AGBL1: variants seen among roughly 807,000 people sequenced by gnomAD.
AGBL1 encodes AGBL carboxypeptidase 1.
Under a neutral mutation model 118.9 loss-of-function variants are expected in AGBL1, and 130 were observed. That is an observed-to-expected ratio of 1.09 (90% confidence interval 0.95 to 1.26). The LOEUF (loss-of-function observed/expected upper bound fraction) is 1.26, where lower values mean the gene tolerates loss of function less well. AGBL1 is among the 50% of genes most tolerant of loss of function. AGBL1 has a pLI of 0.00. For missense variants in AGBL1, 1,584 were observed against 1,298.1 expected (o/e 1.22, Z -3.38); for synonymous variants, 555 against 478.9 (o/e 1.16, Z -2.08).
chr15:86,168,354 G>A (rs1039391048), intron 5 of AGBL1, among the ~76,000 whole-genome samples: 3 of 152,120 alleles, frequency 2.0e-5, no homozygotes, highest in South Asian at 2.1e-4. Context: ...AGAGCACCAC[G>A]TTCTAGGCAG....
chr15:86,707,393 G>A (rs868584816), intron 22 of AGBL1, among the ~76,000 whole-genome samples: 3 of 141,692 alleles, frequency 2.1e-5, no homozygotes, highest in Non-Finnish European at 4.7e-5. Flanking sequence ...CAAGCAAATA[G>A]GAAAGAATAT....
chr15:86,655,770 A>T (rs4377131), intron 21 of AGBL1, among the ~76,000 whole-genome samples: 2 of 152,220 alleles, frequency 1.3e-5, no homozygotes, highest in African/African-American at 4.8e-5. Context: ...GAAAGTGTAC[A>T]ATTTGGATAC....
At chr15:86,118,732 G>A (rs909476627) in intron 1 of AGBL1, among the ~76,000 whole-genome samples, 5 of 152,060 alleles carry the variant, frequency 3.3e-5, no homozygotes, top group Non-Finnish European at 5.9e-5. Context: ...GTCAAACAAG[G>A]GTAAGGAGGC....
chr15:86,229,478 C>T (rs1037270260), intron 6 of AGBL1, among the ~76,000 whole-genome samples: 1 of 152,188 alleles, frequency 6.6e-6, no homozygotes, highest in Admixed American at 6.5e-5. Context: ...TCAATTACCT[C>T]CCACCAGGTC....
intron 24 of AGBL1, among the ~76,000 whole-genome samples, chr15:86,993,518 G>C (rs1401414860): frequency 2.6e-5 from 4 of 152,162 alleles, no homozygotes; most frequent in African/African-American, 7.2e-5. Context: ...AGCAGTTATG[G>C]GTGGGGTAGT....
Position 86,676,581 on chromosome 15 carries a change from G to C in AGBL1, c.3158+2145G>C, listed in dbSNP as rs1006117408. On this transcript the variant is annotated intron_variant, in intron 22 of 22. Transcript: ENST00000614907. ...AGAGTGAATCCTAGAACTTTTGTTA[G>C]TATCAGGATTCTTATTGTAATACAA... 6.8e-4 allele frequency among the ~76,000 whole-genome samples: 104 copies of C among 152,194 alleles called. 1 individual carries two copies. Among genetic ancestry groups the C allele is most frequent in the Middle Eastern group, 3.4e-3 (1 of 294 alleles).
intron 18 of AGBL1, among the ~76,000 whole-genome samples, chr15:86,518,267 G>A (rs941450383): frequency 2.6e-5 from 4 of 151,850 alleles, no homozygotes; most frequent in South Asian, 2.1e-4. Context: ...GTTAAAGCCC[G>A]CGGTTATGTT....
chr15:86,177,709 A>C (rs2077500072), intron 5 of AGBL1, among the ~76,000 whole-genome samples: 1 of 152,232 alleles, frequency 6.6e-6, no homozygotes, highest in Admixed American at 6.5e-5. Flanking sequence ...TCAAAGAAGA[A>C]ATCAAAAGTG....
chr15:86,681,973 G>T (rs2085966537), intron 22 of AGBL1, among the ~76,000 whole-genome samples: 1 of 152,190 alleles, frequency 6.6e-6, no homozygotes, highest in Non-Finnish European at 1.5e-5. Flanking sequence ...TGGAGTCTTA[G>T]TAGAATCTTC....
At chr15:86,215,837 G>C (rs747312461) in intron 5 of AGBL1, among the ~76,000 whole-genome samples, 34 of 152,212 alleles carry the variant, frequency 2.2e-4, no homozygotes, top group Non-Finnish European at 4.4e-4. Context: ...GGGTCCTAGA[G>C]TGGATATGGA....
intron 5 of AGBL1, among the ~76,000 whole-genome samples, chr15:86,182,830 G>A (rs952668595): frequency 2.6e-5 from 4 of 152,138 alleles, no homozygotes; most frequent in Non-Finnish European, 4.4e-5. Flanking sequence ...GGAAACCCTA[G>A]TAGTACAATT....
At position 87,020,256 on chromosome 15, in the gene AGBL1, G is replaced by A. The variant is rs148187414; in HGVS notation, c.3324-8569G>A. Among the ~76,000 whole-genome samples, 170 of 152,102 alleles carry A rather than the reference G, an allele frequency of 1.1e-3. 4 individuals carry two copies. The highest frequency in any genetic ancestry group is 3.7e-3 in the African/African-American group (154 of 41,528). ...ACAGAACTAAAGACAAAAATCACAT[G>A]ATTGTCTCATTAGATGCAGACAAGG... On this transcript the variant is annotated intron_variant, in intron 24 of 24. Coordinates refer to the AGBL1 transcript ENST00000441037.
intron 24 of AGBL1, among the ~76,000 whole-genome samples, chr15:87,004,826 G>C (rs1000997438): frequency 6.6e-6 from 1 of 152,166 alleles, no homozygotes; most frequent in East Asian, 1.9e-4. Context: ...TGCAGTGGCT[G>C]GTTCCGGTTG....
intron 17 of AGBL1, among the ~76,000 whole-genome samples, chr15:86,302,209 T>G (rs1481604602): frequency 6.6e-6 from 1 of 152,144 alleles, no homozygotes; most frequent in Non-Finnish European, 1.5e-5. Context: ...ACCTTAAAGG[T>G]AGTTGAATAG....
chr15:87,010,669 C>T (rs2081549970), intron 24 of AGBL1, among the ~76,000 whole-genome samples: 1 of 152,326 alleles, frequency 6.6e-6, no homozygotes, highest in Non-Finnish European at 1.5e-5. Flanking sequence ...CTGAGAATTA[C>T]ACCATTACCT....
chr15:86,546,235 T>A, intron 20 of AGBL1, 102 bp downstream of exon 20: 1 of 1,277,060 alleles, frequency 7.8e-7, no homozygotes, highest in Non-Finnish European at 1.0e-6. Flanking sequence ...TTTTTTTTTT[T>A]TGTAAATAAG....
intron 18 of AGBL1, among the ~76,000 whole-genome samples, chr15:86,443,256 C>T (rs1223499557): frequency 6.6e-6 from 1 of 152,182 alleles, no homozygotes. Flanking sequence ...CTTAGTTTCC[C>T]TGTGTGATCA....
At chr15:86,873,665 T>TC (rs1429420606) in intron 22 of AGBL1, among the ~76,000 whole-genome samples, 1 of 152,170 alleles carries the variant, frequency 6.6e-6, no homozygotes, top group African/African-American at 2.4e-5. Context: ...CATTTATGAA[T>TC]CAGGATATGA....
chr15:86,083,212 C>T (rs532014026), intron 1 of AGBL1: 2 of 152,040 alleles, frequency 1.3e-5, no homozygotes, highest in Non-Finnish European at 1.5e-5. Flanking sequence ...AAAGAGGTGT[C>T]TCATTTGTCC....
Sources: gnomAD v4.1 joint callset for allele counts (sites outside exome capture counted in the v4.1 genomes callset) on GRCh38, gnomAD v4.1.1 for gene constraint, MANE v1.5 for transcripts, NCBI Gene and HGNC (gene_info 2026-07-23, HGNC 2026-07-21) for gene names.